PYROXD1: variants seen among roughly 807,000 people sequenced by gnomAD.
PYROXD1 encodes pyridine nucleotide-disulphide oxidoreductase domain 1, also known as tRNA ligase complex-associated NAD(P)H dehydrogenase PYROXD1.
PYROXD1 carries 42 observed loss-of-function variants against 62.0 expected under a neutral mutation model. The ratio of observed to expected loss-of-function variants is 0.68; its 90% CI spans 0.53 to 0.88. The LOEUF (loss-of-function observed/expected upper bound fraction) is 0.88. Ranked by LOEUF, PYROXD1 falls within the 40% of genes least tolerant of loss-of-function variation. PYROXD1 has a pLI of 0.00. For missense variants in PYROXD1, 493 were observed against 604.8 expected (o/e 0.82, Z 1.94); for synonymous variants, 170 against 206.4 (o/e 0.82, Z 1.51).
intron 1 of PYROXD1, among the ~76,000 whole-genome samples, chr12:21,438,999 A>G (rs1378862314): frequency 1.3e-5 from 2 of 152,208 alleles, no homozygotes; most frequent in Admixed American, 6.5e-5. Context: ...TAGGGAGTGA[A>G]TTAGGGAAGA....
Position 21,452,122 on chromosome 12 carries a change from C to T in PYROXD1, c.456C>T (p.Ile152=), listed in dbSNP as rs1298591664. 3 of 1,587,066 alleles carry T rather than the reference C, an allele frequency of 1.9e-6. No individual in the cohort carries two copies. Among genetic ancestry groups the T allele is most frequent in the Non-Finnish European group, 2.6e-6 (3 of 1,166,084 alleles). The change falls in exon 5 of 12, where the codon ATC becomes ATT. Residue 152 remains isoleucine (I), a synonymous_variant. Coordinates refer to ENST00000240651, the MANE Select transcript of PYROXD1 (RefSeq NM_024854.5). ...KQLTKAKRIM[I]IGNGGIALEL... is the part of the protein sequence containing the mutation. The stretch of plus-strand genomic sequence containing the variant: ...TTACTAAAGCTAAAAGAATAATGAT[C>T]ATAGGGAACGGTGGTATTGCACTTG...
chr12:21,441,464 C>T (rs1227426196), intron 2 of PYROXD1, among the ~76,000 whole-genome samples: 1 of 151,916 alleles, frequency 6.6e-6, no homozygotes, highest in Non-Finnish European at 1.5e-5. Context: ...CTTTTTCATT[C>T]TTTTTTCTTC....
chr12:21,460,787 C>T (rs1463683794), intron 7 of PYROXD1: 1 of 267,228 alleles, frequency 3.7e-6, no homozygotes, highest in African/African-American at 2.2e-5. Context: ...AAAAAGCATT[C>T]CCTCGATGCT....
chr12:21,457,091 G>T, intron 7 of PYROXD1: 3 of 277,372 alleles, frequency 1.1e-5, no homozygotes, highest in Non-Finnish European at 1.4e-5. Flanking sequence ...ATGAAGGTTG[G>T]AGTAAACTTC....
intron 2 of PYROXD1, among the ~76,000 whole-genome samples, chr12:21,443,451 A>G (rs1251587185): frequency 6.6e-6 from 1 of 152,202 alleles, no homozygotes; most frequent in African/African-American, 2.4e-5. Context: ...ATTAATTTAT[A>G]TTCACATTAT....
In PYROXD1 at chr12:21,445,371, G is replaced by T. The variant is rs776874666; in HGVS notation, c.190G>T (p.Asp64Tyr). 6.2e-7 allele frequency: 1 copy of T among 1,600,606 alleles called. No individual in the cohort carries two copies. The change falls in exon 3 of 12, where the codon GAT becomes TAT. Residue 64 changes from aspartate to tyrosine, a missense_variant. By Grantham distance (160) the Asp-to-Tyr change is radical. Transcript: ENST00000240651. ...GATTTCTAAAATATTGGAAGAATTC[G>T]ATGTTGAAGAACAATCAAGTACCAT... Reference protein sequence around the residue: ...KQISKILEEFDVEEQSSTMLG... With the variant: ...KQISKILEEFYVEEQSSTMLG...
In PYROXD1 at chr12:21,470,299, C is replaced by CATCT; in HGVS notation, c.*1546_*1549dup. On this transcript the variant is annotated 3_prime_UTR_variant, in exon 12 of 12. Coordinates refer to ENST00000240651, the MANE Select transcript of PYROXD1 (RefSeq NM_024854.5). The stretch of plus-strand genomic sequence containing the variant: ...GGAAGTTGCCTGAATTTTTTTCCTC[C>CATCT]ATCTTTTTATCACCTTGTTCAGAAT... 2.5e-6 allele frequency: 4 copies of CATCT among 1,599,374 alleles called. No homozygotes were observed. Among genetic ancestry groups the CATCT allele is most frequent in the Non-Finnish European group, 3.4e-6 (4 of 1,174,074 alleles).
chr12:21,437,738 C>G lies in PYROXD1; in HGVS notation c.8C>G (p.Ala3Gly). Residue 3 changes from alanine to glycine, a missense_variant, in exon 1 of 12, where the codon GCA becomes GGA. Around this residue, in one of 2 missense-constraint regions of PYROXD1, gnomAD observed 164 missense variants for 158.2 expected, o/e 1.04. Coordinates refer to ENST00000240651, the MANE Select transcript of PYROXD1 (RefSeq NM_024854.5). ME[A>G]ARPPPTAGKF... ...CACTGGGAGTCCGGCAGCATGGAGG[C>G]AGCGCGCCCTCCCCCGACGGCAGGG... 1 of 1,612,068 alleles carries G rather than the reference C, an allele frequency of 6.2e-7. No homozygotes were observed. Among genetic ancestry groups the G allele is most frequent in the Non-Finnish European group, 8.5e-7 (1 of 1,179,404 alleles).
intron 5 of PYROXD1, among the ~76,000 whole-genome samples, chr12:21,452,821 A>G (rs4762833): frequency 0.49 from 75,003 of 151,806 alleles, 18,576 homozygotes; most frequent in Middle Eastern, 0.59. Flanking sequence ...CATAAAGTTG[A>G]GTCAAACCAC....
intron 5 of PYROXD1, among the ~76,000 whole-genome samples, chr12:21,452,527 T>C (rs996310363): frequency 2.0e-5 from 3 of 152,132 alleles, no homozygotes; most frequent in Admixed American, 6.5e-5. Flanking sequence ...CACCACTTTT[T>C]ATTGCTTATA....
chr12:21,460,303 C>T (rs1052291087), intron 7 of PYROXD1, among the ~76,000 whole-genome samples: 2 of 152,162 alleles, frequency 1.3e-5, no homozygotes, highest in African/African-American at 2.4e-5. Flanking sequence ...TTACTACCTA[C>T]GTGGGACTTT....
chr12:21,445,546 C>A, intron 3 of PYROXD1, 80 bp downstream of exon 3: 1 of 1,327,424 alleles, frequency 7.5e-7, no homozygotes. Flanking sequence ...CACTCCAGCT[C>A]TACTACCACC....
At chr12:21,450,723 A>C (rs908788056) in intron 4 of PYROXD1, among the ~76,000 whole-genome samples, 8 of 152,170 alleles carry the variant, frequency 5.3e-5, no homozygotes, top group African/African-American at 1.9e-4. Flanking sequence ...TCTCTTAATA[A>C]TTAGGAATTG....
chr12:21,466,836 A>C (rs554707859), intron 10 of PYROXD1, among the ~76,000 whole-genome samples: 1 of 152,296 alleles, frequency 6.6e-6, no homozygotes, highest in Admixed American at 6.5e-5. Flanking sequence ...ACGTCCCATC[A>C]ATACCTTATT....
At chr12:21,446,398 C>G (rs937360059) in intron 3 of PYROXD1, among the ~76,000 whole-genome samples, 14 of 151,986 alleles carry the variant, frequency 9.2e-5, no homozygotes, top group Non-Finnish European at 1.3e-4. Flanking sequence ...GCACTCCAGC[C>G]TGGGCGACAG....
At chr12:21,467,206 G>C (rs1206538155) in intron 10 of PYROXD1, 1 of 268,252 alleles carries the variant, frequency 3.7e-6, no homozygotes, top group Non-Finnish European at 6.9e-6. Context: ...TTTCTCACCT[G>C]GTATAGCTTA....
At chr12:21,468,434 G>A in intron 11 of PYROXD1, 72 bp from the exon 12 acceptor site, 1 of 1,406,754 alleles carries the variant, frequency 7.1e-7, no homozygotes, top group South Asian at 1.3e-5. Flanking sequence ...ATTCAAACTT[G>A]ACACAAAATA....
chr12:21,447,464 A>G (rs1409742058), intron 3 of PYROXD1: 1 of 153,332 alleles, frequency 6.5e-6, no homozygotes, highest in Non-Finnish European at 1.5e-5. Context: ...ATTTGAATGA[A>G]TCAGAGTGCT....
Position 21,437,760 on chromosome 12 carries a change from A to T in PYROXD1, c.30A>T (p.Ala10=). The change falls in exon 1 of 12, where the codon GCA becomes GCT. Residue 10 remains alanine (A), a synonymous_variant. Coordinates refer to ENST00000240651, the MANE Select transcript of PYROXD1 (RefSeq NM_024854.5). ...AGGCAGCGCGCCCTCCCCCGACGGCAGGGAAGTTCGTGGTGGTCGGCGGCG... is the reference window on the plus strand; with the variant it reads ...AGGCAGCGCGCCCTCCCCCGACGGCTGGGAAGTTCGTGGTGGTCGGCGGCG... MEAARPPPT[A]GKFVVVGGGI... 1 of 1,613,252 alleles carries T rather than the reference A, an allele frequency of 6.2e-7. No homozygotes were observed. Among genetic ancestry groups the T allele is most frequent in the Non-Finnish European group, 8.5e-7 (1 of 1,179,766 alleles).
Sources: gnomAD v4.1 joint callset for allele counts (sites outside exome capture counted in the v4.1 genomes callset) on GRCh38, gnomAD v4.1.1 for gene constraint, gnomAD v4.1.1 regional missense constraint, MANE v1.5 for transcripts, NCBI Gene and HGNC (gene_info 2026-07-23, HGNC 2026-07-21) for gene names.